RAPSN: variants seen among roughly 807,000 people sequenced by gnomAD.
The protein encoded by RAPSN is 43 kDa receptor-associated protein of the synapse.
Under a neutral mutation model 45.7 loss-of-function variants are expected in RAPSN, and 33 were observed. The ratio of observed to expected loss-of-function variants is 0.72; its 90% confidence interval spans 0.55 to 0.97. RAPSN has a LOEUF of 0.97. Ranked by LOEUF, RAPSN falls within the 50% of genes least tolerant of loss-of-function variation. The pLI, the probability that RAPSN is intolerant of heterozygous loss-of-function variation, is 0.00. For missense variants in RAPSN, 519 were observed against 559.4 expected, an observed-to-expected ratio of 0.93 and a Z score of 0.73; for synonymous variants, 244 against 233.6, an observed-to-expected ratio of 1.04 and a Z score of -0.40.
intron 7 of RAPSN, chr11:47,438,418 G>T: frequency 1.8e-6 from 1 of 568,022 alleles, no homozygotes; most frequent in Admixed American, 3.1e-5. Flanking sequence ...TGCCTCCCGG[G>T]TTCAAGTGAT....
At chr11:47,445,472 G>A (rs749112609) in intron 2 of RAPSN, among the ~76,000 whole-genome samples, 4 of 145,896 alleles carry the variant, frequency 2.7e-5, no homozygotes, top group South Asian at 4.4e-4. Context: ...GGCGTGTGCC[G>A]GTAGTCCCAG....
Position 47,440,280 on chromosome 11 carries a change from A to G in RAPSN, c.966+879T>C, listed in dbSNP as rs188922977. 6.6e-5 allele frequency among the ~76,000 whole-genome samples: 10 copies of G among 151,976 alleles called. No homozygotes were observed. In the East Asian group the frequency reaches 1.6e-3, roughly 24 times the overall value. ...TGCTCAGGGAGTGGAGGCCACTGTT[A>G]GTTTTTGTTTGTTTTGAGATAAGGT... is the stretch of plus-strand genomic sequence containing the variant. On this transcript the variant is annotated intron_variant, in intron 6 of 7. Coordinates refer to ENST00000298854, the MANE Select transcript of RAPSN (RefSeq NM_005055.5).
chr11:47,441,470 A>G, intron 5 of RAPSN, 141 bp downstream of exon 5: 2 of 1,462,998 alleles, frequency 1.4e-6, no homozygotes, highest in Non-Finnish European at 1.8e-6. Flanking sequence ...TGAGCCTGGA[A>G]AATGACCAGG....
intron 2 of RAPSN, among the ~76,000 whole-genome samples, chr11:47,446,761 C>T (rs969359018): frequency 3.9e-5 from 6 of 152,136 alleles, no homozygotes; most frequent in South Asian, 2.1e-4. Context: ...AAAAATTAGC[C>T]GGGCGTGGTG....
In RAPSN at chr11:47,441,692, G is replaced by C; in HGVS notation, c.831C>G (p.Thr277=). 6.2e-7 allele frequency: 1 copy of C among 1,609,714 alleles called. No individual in the cohort carries two copies. Among genetic ancestry groups the C allele is most frequent in the Non-Finnish European group, 8.5e-7 (1 of 1,179,886 alleles). The part of the protein sequence containing the change: ...PRYDSAMSIM[T]EIGNRLGQVQ... ...CCTGCCCCAGGCGGTTTCCGATCTCGGTCATGATGCTCATGGCGGAGTCGT... is the reference window on the plus strand; with the variant it reads ...CCTGCCCCAGGCGGTTTCCGATCTCCGTCATGATGCTCATGGCGGAGTCGT... The change falls in exon 5 of 8, where the codon ACC becomes ACG. Residue 277 remains threonine, a synonymous_variant. Transcript: ENST00000298854.
chr11:47,447,955 C>A lies in RAPSN; in HGVS notation c.388G>T (p.Gly130Cys). Residue 130 changes from glycine (G) to cysteine (C), a missense_variant, in exon 2 of 8, where the codon GGC becomes TGC. Physicochemically the swap from Gly to Cys is radical, Grantham distance 159. Transcript: ENST00000298854. ...ACGCTGAGGCCCAGGAAGGCATTGC[C>A]CATGCTCAGGCTGACCTGGCCTCCG... The part of the protein sequence containing the change: ...QLGGQVSLSM[G>C]NAFLGLSVFQ... 6.2e-7 allele frequency: 1 copy of A among 1,613,728 alleles called. No homozygotes were observed. The highest frequency in any genetic ancestry group is 8.5e-7 in the Non-Finnish European group (1 of 1,179,946).
rs375174267 is a variant in RAPSN at position 47,441,603 on chromosome 11, G to A, written c.912+8C>T. 6.9e-6 allele frequency: 11 copies of A among 1,604,440 alleles called. No homozygotes were observed. The Admixed American group carries it at 8.4e-5, about 12-fold the overall frequency. On this transcript the variant is annotated splice_region_variant and intron_variant, in intron 5 of 7. Transcript: ENST00000298854. The stretch of plus-strand genomic sequence containing the variant: ...GGGCTGGAGGCTGTGGGAAAGGCCC[G>A]ACCTCACCTTGTCCAGCGCCTTCCT...
chr11:47,438,570 G>T, intron 7 of RAPSN, 162 bp downstream of exon 7: 1 of 789,236 alleles, frequency 1.3e-6, no homozygotes, highest in Non-Finnish European at 2.0e-6. Context: ...TGATCAGCCC[G>T]CCTCGGCCTC....
chr11:47,445,538 G>C (rs1333829597), intron 2 of RAPSN, among the ~76,000 whole-genome samples: 4 of 139,870 alleles, frequency 2.9e-5, no homozygotes, highest in African/African-American at 5.3e-5. Context: ...AGAAGTGGCA[G>C]TGAGCCGAGA....
chr11:47,448,803 C>T lies in RAPSN; in HGVS notation c.162G>A (p.Ser54=), dbSNP rs72905825. ...GCATCTCCTTGTAGCGGCCCATCTCCGAGTGGGCTGTGACCAGGCAGCCCA... is the reference window on the plus strand; with the variant it reads ...GCATCTCCTTGTAGCGGCCCATCTCTGAGTGGGCTGTGACCAGGCAGCCCA... ...RVLGCLVTAH[S]EMGRYKEMLK... Residue 54 remains serine, a synonymous_variant, in exon 1 of 8, where the codon TCG becomes TCA. Transcript: ENST00000298854. The T allele has an allele frequency of 4.2e-3, 6,851 of 1,612,718 alleles. 24 individuals carry two copies. The highest frequency in any genetic ancestry group is 4.9e-3 in the Non-Finnish European group (5,751 of 1,180,016).
chr11:47,444,085 A>G (rs1033877003), intron 2 of RAPSN, among the ~76,000 whole-genome samples: 1 of 152,082 alleles, frequency 6.6e-6, no homozygotes, highest in Admixed American at 6.6e-5. Flanking sequence ...TCTTTCACTT[A>G]ATATTTAACA....
chr11:47,447,115 C>T (rs990109027), intron 2 of RAPSN, among the ~76,000 whole-genome samples: 34 of 152,092 alleles, frequency 2.2e-4, no homozygotes, highest in African/African-American at 7.2e-4. Flanking sequence ...GGGGCTCGCC[C>T]ATTTTTGCCT....
Position 47,447,848 on chromosome 11 carries a change from C to A in RAPSN, c.495G>T (p.Val165=). 1 of 1,613,398 alleles carries A rather than the reference C, an allele frequency of 6.2e-7. No individual in the cohort carries two copies. Among genetic ancestry groups the A allele is most frequent in the Non-Finnish European group, 8.5e-7 (1 of 1,179,816 alleles). Residue 165 remains valine, a synonymous_variant, in exon 2 of 8, where the codon GTG becomes GTT. Transcript: ENST00000298854. The part of the protein sequence containing the change: ...NNDDAMLECR[V]CCSLGSFYAQ... ...CATAGAAGCTGCCCAGGCTGCAGCA[C>A]ACGCGGCACTCGAGCATGGCGTCAT...
At chr11:47,442,901 G>GCC in intron 2 of RAPSN, 87 bp from the exon 3 acceptor site, 2 of 1,593,518 alleles carry the variant, frequency 1.3e-6, no homozygotes, top group Non-Finnish European at 1.7e-6. Flanking sequence ...TTCTCTAACA[G>GCC]CAGGTAGGGG....
chr11:47,449,042 C>T lies in RAPSN; in HGVS notation c.-78G>A, dbSNP rs562440280. On this transcript the variant is annotated 5_prime_UTR_variant, in exon 1 of 8. It adds an upstream start codon to the 5' untranslated region. Coordinates refer to ENST00000298854, the MANE Select transcript of RAPSN (RefSeq NM_005055.5). Reference sequence around the variant, plus strand: ...CTAGGCACTCATGGGGCAGGAATCACAGTGCCAGCTGCCCCCCGAAACGTG... The same window carrying T: ...CTAGGCACTCATGGGGCAGGAATCATAGTGCCAGCTGCCCCCCGAAACGTG... 2.2e-5 allele frequency: 35 copies of T among 1,558,898 alleles called. No individual in the cohort carries two copies. The East Asian group carries it at 7.4e-4, about 33-fold the overall frequency.
intron 6 of RAPSN, among the ~76,000 whole-genome samples, 184 bp from the exon 7 acceptor site, chr11:47,439,115 C>T (rs550278732): frequency 3.3e-5 from 5 of 152,294 alleles, no homozygotes; most frequent in South Asian, 4.1e-4. Flanking sequence ...ACTTCACCCC[C>T]CAGAACTGCC....
intron 2 of RAPSN, among the ~76,000 whole-genome samples, chr11:47,445,088 G>A (rs970317240): frequency 1.4e-5 from 2 of 147,536 alleles, no homozygotes; most frequent in African/African-American, 5.0e-5. Flanking sequence ...AAAATTAGCG[G>A]GGCGTGGTGG....
Position 47,441,868 on chromosome 11 carries a change from G to A in RAPSN, c.744C>T (p.Cys248=), listed in dbSNP as rs780224551. The change falls in exon 4 of 8, where the codon TGC becomes TGT. Residue 248 remains cysteine (C), a synonymous_variant. Transcript: ENST00000298854. ...GGTGGATGTCAGCGAAGCAGAGCAG[G>A]CAGAGCGCCTGCAGTGGCCGGTCCC... ...QHGDRPLQAL[C]LLCFADIHRS... The A allele has an allele frequency of 1.9e-6, 3 of 1,596,326 alleles. No homozygotes were observed. The highest frequency in any genetic ancestry group is 2.6e-6 in the Non-Finnish European group (3 of 1,175,924).
In RAPSN at chr11:47,441,143, C is replaced by T. The variant is rs759757902; in HGVS notation, c.966+16G>A. ...GGCCCTTGACCCCAGATCCAGGACA[C>T]AGAATCAAGTCTGACCTTGTTCCCC... is the stretch of plus-strand genomic sequence containing the variant. On this transcript the variant is annotated intron_variant, in intron 6 of 7. Transcript: ENST00000298854. The T allele has an allele frequency of 3.9e-5, 63 of 1,613,958 alleles. No homozygotes were observed. Among genetic ancestry groups the T allele is most frequent in the Non-Finnish European group, 5.0e-5 (59 of 1,179,996 alleles).
Sources: gnomAD v4.1 joint callset for allele counts (sites outside exome capture counted in the v4.1 genomes callset) on GRCh38, gnomAD v4.1.1 for gene constraint, MANE v1.5 for transcripts, NCBI Gene and HGNC (gene_info 2026-07-23, HGNC 2026-07-21) for gene names.